DRC8: variants seen among roughly 807,000 people sequenced by gnomAD.
DRC8 encodes the protein dynein regulatory complex protein 8.
chr1:244,975,313 A>G, the DRC8 span, among the ~76,000 whole-genome samples: 2 of 152,174 alleles, frequency 1.3e-5, no homozygotes, highest in African/African-American at 4.8e-5. Flanking sequence ...GCCTGGCCTC[A>G]TAGTAACTGT....
At chr1:245,101,057 G>C in the DRC8 span, among the ~76,000 whole-genome samples, 2 of 152,010 alleles carry the variant, frequency 1.3e-5, no homozygotes, top group African/African-American at 2.4e-5. Flanking sequence ...ACTAACTTTT[G>C]TATTTTTAGC....
At chr1:245,107,695 C>A in the DRC8 span, among the ~76,000 whole-genome samples, 5 of 152,302 alleles carry the variant, frequency 3.3e-5, no homozygotes, top group South Asian at 1.0e-3. Flanking sequence ...CAGTCCTGCT[C>A]GGTTTCCAGG....
At chr1:245,000,576 T>G in the DRC8 span, among the ~76,000 whole-genome samples, 2 of 152,006 alleles carry the variant, frequency 1.3e-5, no homozygotes, top group Admixed American at 6.6e-5. Context: ...GTCAGGAGAT[T>G]GAAACTATCC....
chr1:245,078,449 G>C, the DRC8 span, among the ~76,000 whole-genome samples: 1 of 75,350 alleles, frequency 1.3e-5, no homozygotes, highest in Non-Finnish European at 2.8e-5. Context: ...CAAATGAGTG[G>C]ATAGTATATG....
chr1:245,054,379 T>A, the DRC8 span, among the ~76,000 whole-genome samples: 1 of 152,126 alleles, frequency 6.6e-6, no homozygotes, highest in African/African-American at 2.4e-5. Flanking sequence ...AGATCCTCCT[T>A]GACCCACTGC....
At chr1:244,971,852 G>A in the DRC8 span, among the ~76,000 whole-genome samples, 1 of 151,516 alleles carries the variant, frequency 6.6e-6, no homozygotes, top group African/African-American at 2.4e-5. Context: ...TGAGAAGCCA[G>A]GATTATTTTG....
chr1:244,999,310 C>G, the DRC8 span, among the ~76,000 whole-genome samples: 15 of 151,670 alleles, frequency 9.9e-5, no homozygotes, highest in Non-Finnish European at 1.2e-4. Context: ...AAAATAGGAG[C>G]CATTAGGCCT....
the DRC8 span, among the ~76,000 whole-genome samples, chr1:245,004,640 A>G: frequency 6.6e-6 from 1 of 152,234 alleles, no homozygotes; most frequent in South Asian, 2.1e-4. Flanking sequence ...ACTTAGACCA[A>G]AGTAGCTTCA....
the DRC8 span, among the ~76,000 whole-genome samples, chr1:245,107,024 A>T: frequency 6.6e-6 from 1 of 152,218 alleles, no homozygotes; most frequent in Admixed American, 6.5e-5. Flanking sequence ...AGCCTGGGTG[A>T]CAAGAGTGAA....
chr1:244,984,850 C>CCAA, the DRC8 span, among the ~76,000 whole-genome samples: 2 of 138,994 alleles, frequency 1.4e-5, no homozygotes, highest in Admixed American at 7.2e-5. Context: ...ACCCCCCCTT[C>CCAA]AAAAAAAAAA....
At chr1:245,029,598 CCT>C in the DRC8 span, among the ~76,000 whole-genome samples, 1 of 150,526 alleles carries the variant, frequency 6.6e-6, no homozygotes, top group East Asian at 2.0e-4. Flanking sequence ...TGTGCCCAGC[CCT>C]GTTTTTTTTT....
At chr1:244,970,970 G>A in the DRC8 span, 420 of 168,374 alleles carry the variant, frequency 2.5e-3, 4 homozygotes, top group African/African-American at 9.7e-3. Flanking sequence ...GGCCCCGGGG[G>A]GTGGCCTGGG....
chr1:245,074,156 T>A, the DRC8 span, among the ~76,000 whole-genome samples: 2 of 152,160 alleles, frequency 1.3e-5, no homozygotes, highest in African/African-American at 2.4e-5. Context: ...GAAAGGAGGG[T>A]CACTTTTTGT....
At chr1:245,110,237 A>T in the DRC8 span, among the ~76,000 whole-genome samples, 2 of 152,118 alleles carry the variant, frequency 1.3e-5, no homozygotes, top group African/African-American at 2.4e-5. Flanking sequence ...ACAAAAAATC[A>T]GTCGAGCATG....
At chr1:245,094,409 C>T in the DRC8 span, among the ~76,000 whole-genome samples, 1 of 152,146 alleles carries the variant, frequency 6.6e-6, no homozygotes, top group Non-Finnish European at 1.5e-5. Context: ...ATCCTTCACT[C>T]AGTTGGCCAC....
the DRC8 span, among the ~76,000 whole-genome samples, chr1:244,998,985 G>A: frequency 6.8e-6 from 1 of 146,554 alleles, no homozygotes; most frequent in Non-Finnish European, 1.5e-5. Flanking sequence ...TTAGTGAGAA[G>A]GTAGACACTT....
chr1:245,121,551 T>G, the DRC8 span, among the ~76,000 whole-genome samples: 1 of 152,232 alleles, frequency 6.6e-6, no homozygotes, highest in Non-Finnish European at 1.5e-5. Context: ...GAAACAGTCT[T>G]GAACTTTATT....
chr1:245,002,415 A>G, the DRC8 span, among the ~76,000 whole-genome samples: 26 of 152,214 alleles, frequency 1.7e-4, no homozygotes, highest in African/African-American at 5.8e-4. Context: ...AACTCCTTCA[A>G]TGTGTCTTAC....
At chr1:245,109,998 T>A in the DRC8 span, among the ~76,000 whole-genome samples, 1 of 152,354 alleles carries the variant, frequency 6.6e-6, no homozygotes, top group Non-Finnish European at 1.5e-5. Context: ...CTGACTTCCC[T>A]TTTAAACCAT....
Sources: gnomAD v4.1 joint callset for allele counts (sites outside exome capture counted in the v4.1 genomes callset) on GRCh38, gnomAD v4.1.1 for gene constraint, MANE v1.5 for transcripts, NCBI Gene and HGNC (gene_info 2026-07-23, HGNC 2026-07-21) for gene names.